The following KSR2 variants were observed in gnomAD, a reference collection of about 807,000 sequenced individuals.
KSR2 encodes kinase suppressor of ras 2.
KSR2 carries 25 observed loss-of-function variants against 107.8 expected under a neutral mutation model. The observed-to-expected ratio is 0.23, with a 90% CI of 0.17 to 0.32. The LOEUF is 0.32. Among genes scored for constraint, KSR2 ranks in the 10% least tolerant of loss-of-function variants. The pLI is 1.00. For missense variants in KSR2, 887 were observed against 1,268.9 expected (o/e 0.70, Z 4.57); for synonymous variants, 480 against 507.0 (o/e 0.95, Z 0.71).
intron 4 of KSR2, among the ~76,000 whole-genome samples, chr12:117,721,655 G>C (rs1006256935): frequency 6.6e-6 from 1 of 152,182 alleles, no homozygotes; most frequent in Non-Finnish European, 1.5e-5. Flanking sequence ...GAGGTAGATG[G>C]GTTGAGTTTT....
chr12:117,730,739 ACCGCGAGTGATCTGC>A (rs1356525964), intron 4 of KSR2, among the ~76,000 whole-genome samples: 1 of 152,186 alleles, frequency 6.6e-6, no homozygotes, highest in Non-Finnish European at 1.5e-5. Flanking sequence ...CCAGCTCCTG[ACCGCGAGTGATCTGC>A]CCGCCTCGGC....
chr12:117,567,616 T>C (rs896594640), intron 7 of KSR2, among the ~76,000 whole-genome samples: 6 of 151,362 alleles, frequency 4.0e-5, no homozygotes, highest in Non-Finnish European at 7.4e-5. Flanking sequence ...TGTACCTGCT[T>C]TCCTTTTCCA....
rs956586041 is a variant in KSR2, at chr12:117,462,276, C to T, written c.*4923G>A. 1.4e-5 allele frequency: 2 copies of T among 141,680 alleles called. No homozygotes were observed. Among genetic ancestry groups the T allele is most frequent in the Non-Finnish European group, 3.1e-5 (2 of 65,426 alleles). 8.8% of individuals were successfully genotyped at this position (141,680 alleles called of 1,614,324 possible). ...AAAAAAAAAGACATGTTGAAGTCCT[C>T]ATTCCTAGTACCTCAGAATGAGACT... is the stretch of plus-strand genomic sequence containing the variant. On this transcript the variant is annotated 3_prime_UTR_variant, in exon 20 of 20. Coordinates refer to ENST00000339824, the MANE Select transcript of KSR2 (RefSeq NM_173598.6).
At position 117,469,806 on chromosome 12, in the gene KSR2, C is replaced by T. The variant is rs773143629; in HGVS notation, c.2713-11G>A. The T allele has an allele frequency of 7.2e-5, 116 of 1,613,514 alleles. No homozygotes were observed. In the Admixed American group the frequency reaches 1.9e-3, roughly 26 times the overall value. ...GAAGAGAAGAATGTCCTAAATGAAACCAATGTGTGGTGATTACACATAAAT... is the reference window on the plus strand; with the variant it reads ...GAAGAGAAGAATGTCCTAAATGAAATCAATGTGTGGTGATTACACATAAAT... On this transcript the variant is annotated splice_polypyrimidine_tract_variant and intron_variant, in intron 18 of 19. Transcript: ENST00000339824.
intron 1 of KSR2, among the ~76,000 whole-genome samples, chr12:117,869,053 G>A (rs55762157): frequency 0.41 from 62,237 of 150,988 alleles, 13,415 homozygotes; most frequent in Middle Eastern, 0.51. Flanking sequence ...ATGCCTGGCC[G>A]CATATATTTT....
intron 1 of KSR2, among the ~76,000 whole-genome samples, chr12:117,872,992 C>A (rs1466278517): frequency 6.6e-6 from 1 of 152,144 alleles, no homozygotes; most frequent in Non-Finnish European, 1.5e-5. Context: ...GGAACCAGAA[C>A]AGAAGGGCAG....
chr12:117,455,382 G>A lies in KSR2; in HGVS notation c.*11817C>T, dbSNP rs987276905. The A allele has an allele frequency of 1.3e-5, 2 of 152,238 alleles. No individual in the cohort carries two copies. Among genetic ancestry groups the A allele is most frequent in the African/African-American group, 4.8e-5 (2 of 41,460 alleles). 9.4% of individuals were successfully genotyped at this position (152,238 alleles called of 1,614,324 possible). On this transcript the variant is annotated 3_prime_UTR_variant, in exon 20 of 20. Transcript: ENST00000339824. ...CTCAATAAATCATGATCTTGCCTCT[G>A]AGTCCACACATAGGCTGTTCCTTCT...
At chr12:117,506,799 A>G (rs1873709065) in intron 14 of KSR2, among the ~76,000 whole-genome samples, 1 of 152,230 alleles carries the variant, frequency 6.6e-6, no homozygotes, top group African/African-American at 2.4e-5. Context: ...GGAGATATAT[A>G]TATGTCAGTA....
intron 3 of KSR2, 21 bp downstream of exon 3, chr12:117,855,407 C>T (rs770933143): frequency 6.2e-7 from 1 of 1,613,908 alleles, no homozygotes; most frequent in African/African-American, 1.3e-5. Flanking sequence ...CTCCACATCC[C>T]CGACCCCGGG....
intron 3 of KSR2, among the ~76,000 whole-genome samples, chr12:117,787,118 A>G (rs1289302325): frequency 6.6e-6 from 1 of 151,866 alleles, no homozygotes; most frequent in Non-Finnish European, 1.5e-5. Flanking sequence ...TCCCTACCCC[A>G]CTACTCTCTG....
In KSR2 at chr12:117,539,722, G is replaced by A. The variant is rs749983304; in HGVS notation, c.1684C>T (p.Pro562Ser). 1 of 1,597,300 alleles carries A rather than the reference G, an allele frequency of 6.3e-7. No individual in the cohort carries two copies. Among genetic ancestry groups the A allele is most frequent in the Non-Finnish European group, 8.5e-7 (1 of 1,173,096 alleles). Residue 562 changes from proline to serine, a missense_variant, in exon 10 of 20, where the codon CCA (proline) becomes TCA (serine). Physicochemically the swap from Pro to Ser is moderately conservative, Grantham distance 74. Transcript: ENST00000339824. ...CTRQQKNFNLPASHYYKYKQQ... is the reference protein window; with the variant it reads ...CTRQQKNFNLSASHYYKYKQQ... ...GTCTCCCCAAGCATGGAGGTACCTG[G>A]CAGGTTGAAGTTCTTCTGCTGCCGT...
intron 3 of KSR2, among the ~76,000 whole-genome samples, chr12:117,839,769 T>C (rs1239464989): frequency 3.9e-5 from 6 of 152,192 alleles, no homozygotes; most frequent in Non-Finnish European, 1.5e-5. Context: ...AAGTTTTTCC[T>C]TTTGAACAGA....
chr12:117,577,093 A>G (rs1879326572), intron 7 of KSR2, among the ~76,000 whole-genome samples: 1 of 152,036 alleles, frequency 6.6e-6, no homozygotes, highest in Non-Finnish European at 1.5e-5. Context: ...GTAGAGTGAG[A>G]GCTTGCCCTT....
intron 5 of KSR2, among the ~76,000 whole-genome samples, chr12:117,625,673 T>C (rs1263713209): frequency 6.6e-6 from 1 of 152,178 alleles, no homozygotes. Flanking sequence ...TCTTTTTTTG[T>C]TGTGTCTCTG....
intron 3 of KSR2, among the ~76,000 whole-genome samples, chr12:117,826,664 G>C (rs904372344): frequency 2.0e-5 from 3 of 151,640 alleles, no homozygotes; most frequent in Admixed American, 6.6e-5. Flanking sequence ...GCAGATGCAG[G>C]TATTAGCATT....
intron 5 of KSR2, among the ~76,000 whole-genome samples, chr12:117,618,617 T>C (rs141240296): frequency 6.6e-6 from 1 of 152,132 alleles, no homozygotes; most frequent in African/African-American, 2.4e-5. Context: ...AATCATGGGG[T>C]TGGCTTCCCC....
intron 3 of KSR2, among the ~76,000 whole-genome samples, chr12:117,777,120 C>CA (rs1889719650): frequency 9.5e-6 from 1 of 104,790 alleles, no homozygotes. Context: ...ACACACACAC[C>CA]ATATATATAT....
rs1871139952 is a variant in KSR2, at chr12:117,466,272, A to G, written c.*927T>C. Reference sequence around the variant, plus strand: ...GCTTCACTGGTGTGAGTAGCAGAGAAGAGGGAAGAAAAGGAATGTCCTAGA... The same window carrying G: ...GCTTCACTGGTGTGAGTAGCAGAGAGGAGGGAAGAAAAGGAATGTCCTAGA... On this transcript the variant is annotated 3_prime_UTR_variant, in exon 20 of 20. Transcript: ENST00000339824. 1 of 152,198 alleles carries G rather than the reference A, an allele frequency of 6.6e-6. No individual in the cohort carries two copies. Among genetic ancestry groups the G allele is most frequent in the South Asian group, 2.1e-4 (1 of 4,820 alleles). 9.4% of individuals were successfully genotyped at this position (152,198 alleles called of 1,614,324 possible). A position where few individuals can be genotyped will look rare whatever the true frequency, so the allele number is the denominator to read the frequency against.
chr12:117,603,896 G>C (rs1881090447), intron 5 of KSR2, among the ~76,000 whole-genome samples: 1 of 152,202 alleles, frequency 6.6e-6, no homozygotes, highest in African/African-American at 2.4e-5. Context: ...CTCCACTGCT[G>C]ATATCAACCA....
Sources: gnomAD v4.1 joint callset for allele counts (sites outside exome capture counted in the v4.1 genomes callset) on GRCh38, gnomAD v4.1.1 for gene constraint, MANE v1.5 for transcripts, NCBI Gene and HGNC (gene_info 2026-07-23, HGNC 2026-07-21) for gene names.